The following PDSS2 variants were observed in gnomAD, a reference collection of about 807,000 sequenced individuals.
The protein encoded by PDSS2 is all trans-polyprenyl-diphosphate synthase PDSS2.
A neutral mutation model predicts 44.5 loss-of-function variants in PDSS2; 31 were observed. The observed-to-expected ratio is 0.70, with a 90% CI of 0.52 to 0.94. The LOEUF (loss-of-function observed/expected upper bound fraction) is 0.94, where lower values mean the gene tolerates loss of function less well. Among genes scored for constraint, PDSS2 ranks in the 40% least tolerant of loss-of-function variants. The pLI, the probability that PDSS2 is intolerant of heterozygous loss-of-function variation, is 0.00. For missense variants in PDSS2, 452 were observed against 482.2 expected (o/e 0.94, Z 0.59); for synonymous variants, 157 against 180.3 (o/e 0.87, Z 1.03).
At chr6:107,450,665 T>C (rs546150959) in intron 1 of PDSS2, among the ~76,000 whole-genome samples, 1 of 152,158 alleles carries the variant, frequency 6.6e-6, no homozygotes, top group Non-Finnish European at 1.5e-5. Flanking sequence ...ATATGTAGGA[T>C]TTTCAACCTA....
rs782236714 is a variant in PDSS2 at position 107,154,611 on chromosome 6, A to T, written c.*8T>A. 9 of 1,613,870 alleles carry T rather than the reference A, an allele frequency of 5.6e-6. No homozygotes were observed. In the Admixed American group the frequency reaches 1.5e-4, roughly 27 times the overall value. On this transcript the variant is annotated 3_prime_UTR_variant, in exon 8 of 8. Coordinates refer to ENST00000369037, the MANE Select transcript of PDSS2 (RefSeq NM_020381.4). ...GCTAACTAACAATAGTGTCTTTTTA[A>T]TTTGATGTCATGAAAATCTGGTCAC... is the stretch of plus-strand genomic sequence containing the variant.
At chr6:107,268,314 G>A (rs1160456495) in intron 3 of PDSS2, among the ~76,000 whole-genome samples, 1 of 151,924 alleles carries the variant, frequency 6.6e-6, no homozygotes, top group Non-Finnish European at 1.5e-5. Context: ...GTAAAAAGAA[G>A]CGCTGAAACA....
intron 7 of PDSS2, among the ~76,000 whole-genome samples, chr6:107,169,064 CA>C (rs1206868478): frequency 6.6e-6 from 1 of 152,116 alleles, no homozygotes; most frequent in Admixed American, 6.6e-5. Context: ...TAATATCCTG[CA>C]GAGTGTTTTC....
At chr6:107,192,134 C>A (rs6568475) in intron 7 of PDSS2, among the ~76,000 whole-genome samples, 1 of 152,004 alleles carries the variant, frequency 6.6e-6, no homozygotes, top group Non-Finnish European at 1.5e-5. Context: ...ACTGGGCTCT[C>A]ATGCCTGTGG....
intron 1 of PDSS2, among the ~76,000 whole-genome samples, chr6:107,410,175 G>C (rs1033016797): frequency 1.1e-4 from 17 of 152,134 alleles, no homozygotes; most frequent in African/African-American, 4.1e-4. Context: ...AAGAGCAATA[G>C]AAAATGCTGA....
At position 107,152,662 on chromosome 6, in the gene PDSS2, G is replaced by T. The variant is rs1432087360; in HGVS notation, c.*1957C>A. 9 of 152,024 alleles carry T rather than the reference G, an allele frequency of 5.9e-5. No individual in the cohort carries two copies. In the East Asian group the frequency reaches 1.7e-3, roughly 29 times the overall value. The allele number at this position is 152,024 out of a possible 1,614,324, so 9.4% of individuals were successfully genotyped here. On this transcript the variant is annotated 3_prime_UTR_variant, in exon 8 of 8. Coordinates refer to ENST00000369037, the MANE Select transcript of PDSS2 (RefSeq NM_020381.4). ...CAGATGAGAAAATTGAGGCTCAGAAGGAAGTGACTTGTGCAAGGTCATACA... is the reference window on the plus strand; with the variant it reads ...CAGATGAGAAAATTGAGGCTCAGAATGAAGTGACTTGTGCAAGGTCATACA...
chr6:107,409,839 A>C (rs1780433982), intron 1 of PDSS2, among the ~76,000 whole-genome samples: 1 of 152,188 alleles, frequency 6.6e-6, no homozygotes, highest in Non-Finnish European at 1.5e-5. Flanking sequence ...AGAATGTACC[A>C]CTGCATTTAT....
At chr6:107,176,693 C>A (rs1582740827) in intron 7 of PDSS2, among the ~76,000 whole-genome samples, 1 of 152,132 alleles carries the variant, frequency 6.6e-6, no homozygotes, top group East Asian at 1.9e-4. Context: ...CGCAACAGCT[C>A]ATTTCGTACA....
chr6:107,306,289 G>C (rs1776857282), intron 2 of PDSS2, among the ~76,000 whole-genome samples: 1 of 152,134 alleles, frequency 6.6e-6, no homozygotes, highest in Non-Finnish European at 1.5e-5. Flanking sequence ...TCTTTCCCGT[G>C]CTGTTCTCGT....
At chr6:107,165,320 C>A (rs778971897) in intron 7 of PDSS2, among the ~76,000 whole-genome samples, 2 of 152,152 alleles carry the variant, frequency 1.3e-5, no homozygotes, top group Non-Finnish European at 2.9e-5. Context: ...AATCTTTAAT[C>A]CATCTTGAAT....
intron 1 of PDSS2, among the ~76,000 whole-genome samples, chr6:107,351,344 T>C (rs1229079705): frequency 6.6e-6 from 1 of 152,202 alleles, no homozygotes; most frequent in Non-Finnish European, 1.5e-5. Context: ...TCAAAAGTTC[T>C]GCTCTTCCCC....
intron 6 of PDSS2, among the ~76,000 whole-genome samples, chr6:107,208,919 T>G (rs1046346237): frequency 1.3e-5 from 2 of 152,092 alleles, no homozygotes; most frequent in African/African-American, 4.8e-5. Flanking sequence ...TTTTCTTATT[T>G]TTTTTCTTTT....
chr6:107,244,855 G>T (rs770066936), intron 4 of PDSS2, among the ~76,000 whole-genome samples: 5 of 152,192 alleles, frequency 3.3e-5, no homozygotes, highest in Non-Finnish European at 5.9e-5. Context: ...TAAGATAGGA[G>T]CCCCTTATAA....
chr6:107,234,640 C>T (rs1774167134), intron 4 of PDSS2, among the ~76,000 whole-genome samples: 1 of 152,052 alleles, frequency 6.6e-6, no homozygotes, highest in Non-Finnish European at 1.5e-5. Flanking sequence ...AGCACCTCAA[C>T]ATTAATTCAA....
chr6:107,328,020 T>C (rs1033742806), intron 2 of PDSS2, among the ~76,000 whole-genome samples: 2 of 152,186 alleles, frequency 1.3e-5, no homozygotes, highest in Admixed American at 6.5e-5. Context: ...GATCCAGTCA[T>C]CCAGATAGAG....
rs773167802 is a variant in PDSS2 at position 107,334,321 on chromosome 6, T to G, written c.308A>C (p.His103Pro). 2.8e-5 allele frequency: 45 copies of G among 1,613,500 alleles called. No individual in the cohort carries two copies. The highest frequency in any genetic ancestry group is 3.6e-5 in the Non-Finnish European group (42 of 1,179,794). ...CAACTGGAGGCTATTCCAGCTGTCA[T>G]GTACAAGCCCCCTGCCAACAAGCAA... ...PLLTTARGLV[H>P]DSWNSLQLRG... Residue 103 changes from histidine to proline, a missense_variant, in exon 2 of 8, where the codon CAT becomes CCT. Physicochemically the swap from His to Pro is moderately conservative, Grantham distance 77. Transcript: ENST00000369037.
chr6:107,277,197 T>C (rs771452213), intron 2 of PDSS2, among the ~76,000 whole-genome samples: 9 of 152,182 alleles, frequency 5.9e-5, no homozygotes, highest in Non-Finnish European at 1.3e-4. Context: ...AAAAGTTTCC[T>C]TGAAGAAGCT....
chr6:107,233,403 C>T (rs528670881), intron 4 of PDSS2, among the ~76,000 whole-genome samples: 2 of 152,274 alleles, frequency 1.3e-5, no homozygotes, highest in South Asian at 4.1e-4. Context: ...ACTCAATATG[C>T]TACTCTTCAC....
chr6:107,213,343 T>A (rs1237130096), intron 4 of PDSS2, among the ~76,000 whole-genome samples: 1 of 145,972 alleles, frequency 6.9e-6, no homozygotes, highest in Admixed American at 6.9e-5. Flanking sequence ...AGAGATGGGG[T>A]TTCACCATGT....
Sources: gnomAD v4.1 joint callset for allele counts (sites outside exome capture counted in the v4.1 genomes callset) on GRCh38, gnomAD v4.1.1 for gene constraint, MANE v1.5 for transcripts, NCBI Gene and HGNC (gene_info 2026-07-23, HGNC 2026-07-21) for gene names.